The following CEP57L1 variants were observed in gnomAD, a reference collection of about 807,000 sequenced individuals.
CEP57L1 encodes the protein centrosomal protein 57 like 1, also known as centrosomal protein CEP57L1.
Under a neutral mutation model 61.0 loss-of-function variants are expected in CEP57L1, and 37 were observed. The ratio of observed to expected loss-of-function variants is 0.61; its 90% CI spans 0.47 to 0.80. CEP57L1 has a LOEUF of 0.80. Among genes scored for constraint, CEP57L1 ranks in the 30% least tolerant of loss-of-function variants. The pLI, the probability that CEP57L1 is intolerant of heterozygous loss-of-function variation, is 0.00. For synonymous variants in CEP57L1, 137 were observed against 162.3 expected (o/e 0.84, Z 1.19); for missense variants, 422 against 524.7 (o/e 0.80, Z 1.91).
chr6:109,149,452 G>A (rs1401986186), intron 3 of CEP57L1, among the ~76,000 whole-genome samples: 1 of 152,086 alleles, frequency 6.6e-6, no homozygotes, highest in African/African-American at 2.4e-5. Context: ...TATTTCTGAG[G>A]GCTCTGTTCT....
In CEP57L1 at chr6:109,172,688, G is replaced by A. The variant is rs1277363794; in HGVS notation, c.*9718G>A. On this transcript the variant is annotated 3_prime_UTR_variant, in exon 11 of 11. Coordinates refer to ENST00000517392, the MANE Select transcript of CEP57L1 (RefSeq NM_001271852.3). ...CCTCCAAATTTCCTCCTAAAGCATGGAATTGGCCATAAATTTGCTTAGTGA... is the reference window on the plus strand; with the variant it reads ...CCTCCAAATTTCCTCCTAAAGCATGAAATTGGCCATAAATTTGCTTAGTGA... 6.6e-5 allele frequency among the ~76,000 whole-genome samples: 10 copies of A among 152,124 alleles called. No homozygotes were observed. Among genetic ancestry groups the A allele is most frequent in the Non-Finnish European group, 1.5e-4 (10 of 68,016 alleles).
At chr6:109,100,800 C>T (rs1384038892) in intron 1 of CEP57L1, among the ~76,000 whole-genome samples, 1 of 151,002 alleles carries the variant, frequency 6.6e-6, no homozygotes, top group African/African-American at 2.4e-5. Context: ...ATTCAGAGTT[C>T]TTATATTCAT....
chr6:109,105,044 CCTTT>C (rs1770765643), intron 1 of CEP57L1, among the ~76,000 whole-genome samples: 1 of 151,850 alleles, frequency 6.6e-6, no homozygotes, highest in African/African-American at 2.4e-5. Flanking sequence ...ACCTTTTGTT[CCTTT>C]GTTAATTGAC....
chr6:109,136,016 A>G (rs1770624442), intron 1 of CEP57L1, among the ~76,000 whole-genome samples: 1 of 152,198 alleles, frequency 6.6e-6, no homozygotes, highest in Admixed American at 6.5e-5. Flanking sequence ...GGGATTCCTC[A>G]GGGATCTAGA....
chr6:109,138,427 G>A (rs1388093864), intron 1 of CEP57L1, among the ~76,000 whole-genome samples: 4 of 151,762 alleles, frequency 2.6e-5, no homozygotes, highest in African/African-American at 9.7e-5. Flanking sequence ...GTGAGAGAGA[G>A]GTATCAAGAC....
At chr6:109,096,889 A>G (rs767134407) in intron 1 of CEP57L1, among the ~76,000 whole-genome samples, 3 of 152,176 alleles carry the variant, frequency 2.0e-5, no homozygotes, top group African/African-American at 4.8e-5. Context: ...ATATGATCTC[A>G]TGTATACCCA....
At position 109,174,077 on chromosome 6, in the gene CEP57L1, G is replaced by A. The variant is rs868850479; in HGVS notation, c.*11107G>A. On this transcript the variant is annotated 3_prime_UTR_variant, in exon 11 of 11. Coordinates refer to ENST00000517392, the MANE Select transcript of CEP57L1 (RefSeq NM_001271852.3). ...ATCATGCCATTGCACTCCAGCCTGA[G>A]CCATAGAGTGAGTCTTGGTCTCAAA... 6.8e-6 allele frequency among the ~76,000 whole-genome samples: 1 copy of A among 147,762 alleles called. No individual in the cohort carries two copies. The highest frequency in any genetic ancestry group is 2.6e-5 in the African/African-American group (1 of 38,466).
chr6:109,124,966 C>T (rs946453737), intron 1 of CEP57L1: 1 of 152,068 alleles, frequency 6.6e-6, no homozygotes, highest in Non-Finnish European at 1.5e-5. Flanking sequence ...AACTTGATTG[C>T]TTTGTTGTTT....
intron 1 of CEP57L1, among the ~76,000 whole-genome samples, chr6:109,099,544 T>A (rs563350066): frequency 4.7e-5 from 7 of 148,928 alleles, no homozygotes; most frequent in South Asian, 4.2e-4. Flanking sequence ...ATTTATTTAT[T>A]TTTATTTATT....
rs1773547891 is a variant in CEP57L1 at position 109,159,590 on chromosome 6, T to TTAAA, written c.1016+128_1016+129insTAAA. The TTAAA allele has an allele frequency of 6.8e-6, 5 of 740,586 alleles. No homozygotes were observed. In the African/African-American group the frequency reaches 8.9e-5, roughly 13 times the overall value. The allele number at this position is 740,586 out of a possible 1,614,324, so 45.9% of individuals were successfully genotyped here. On this transcript the variant is annotated intron_variant, in intron 9 of 10. Transcript: ENST00000517392. ...TCCCAAAGTGCTAGGATTACAAGCATGAGCCACCGTGCCTGGCCAGTATTT... is the reference window on the plus strand; with the variant it reads ...TCCCAAAGTGCTAGGATTACAAGCATTAAAGAGCCACCGTGCCTGGCCAGTATTT...
At chr6:109,107,340 A>G (rs1461600476) in intron 1 of CEP57L1, among the ~76,000 whole-genome samples, 1 of 152,032 alleles carries the variant, frequency 6.6e-6, no homozygotes, top group East Asian at 1.9e-4. Context: ...TGTATCATCT[A>G]ATACTTTTGT....
chr6:109,119,231 C>T (rs776390247), intron 1 of CEP57L1, among the ~76,000 whole-genome samples: 9 of 152,154 alleles, frequency 5.9e-5, no homozygotes, highest in Non-Finnish European at 1.3e-4. Context: ...GAGTTTGAAG[C>T]ATTGAAGTAA....
intron 7 of CEP57L1, chr6:109,157,062 C>T (rs1773289616): frequency 6.6e-6 from 1 of 151,776 alleles, no homozygotes; most frequent in South Asian, 2.1e-4. Flanking sequence ...TTCAGTTTAC[C>T]TATTTATTAT....
At chr6:109,161,890 A>G (rs1003107728) in intron 10 of CEP57L1, among the ~76,000 whole-genome samples, 8 of 152,146 alleles carry the variant, frequency 5.3e-5, no homozygotes, top group African/African-American at 1.9e-4. Context: ...TTAGCCAAAT[A>G]GAGAACTAGG....
intron 1 of CEP57L1, among the ~76,000 whole-genome samples, chr6:109,111,322 C>CT (rs1047297907): frequency 6.6e-6 from 1 of 151,308 alleles, no homozygotes; most frequent in Admixed American, 6.6e-5. Context: ...ATTTGGCTCT[C>CT]TGTCTGTTAT....
At chr6:109,151,936 C>T (rs2114910464) in intron 4 of CEP57L1, among the ~76,000 whole-genome samples, 1 of 152,096 alleles carries the variant, frequency 6.6e-6, no homozygotes, top group African/African-American at 2.4e-5. Flanking sequence ...CCCTTTATCA[C>T]TAGTTTTCAA....
At chr6:109,159,594 C>A in intron 9 of CEP57L1, 132 bp downstream of exon 9, 1 of 724,542 alleles carries the variant, frequency 1.4e-6, no homozygotes, top group Non-Finnish European at 2.3e-6. Flanking sequence ...CAAGCATGAG[C>A]CACCGTGCCT....
chr6:109,105,188 A>T (rs1770781929), intron 1 of CEP57L1, among the ~76,000 whole-genome samples: 1 of 151,954 alleles, frequency 6.6e-6, no homozygotes, highest in South Asian at 2.1e-4. Flanking sequence ...AGACATTTTA[A>T]TTTTTATATA....
intron 1 of CEP57L1, among the ~76,000 whole-genome samples, chr6:109,133,388 T>C (rs185010531): frequency 2.0e-5 from 3 of 152,308 alleles, no homozygotes; most frequent in East Asian, 3.9e-4. Context: ...GAAAATCTAA[T>C]GCAGCCCTGA....
Sources: gnomAD v4.1 joint callset for allele counts (sites outside exome capture counted in the v4.1 genomes callset) on GRCh38, gnomAD v4.1.1 for gene constraint, MANE v1.5 for transcripts, NCBI Gene and HGNC (gene_info 2026-07-23, HGNC 2026-07-21) for gene names.